The following CCNJL variants were observed in gnomAD, a reference collection of about 807,000 sequenced individuals.
CCNJL encodes the protein cyclin J like, also known as cyclin-J-like protein.
CCNJL carries 33 observed loss-of-function variants against 33.4 expected under a neutral mutation model. That is an observed-to-expected ratio of 0.99 (90% CI 0.75 to 1.32). The LOEUF is 1.32. CCNJL is among the 40% of genes most tolerant of loss of function. The pLI is 0.00. For missense variants in CCNJL, 512 were observed against 499.7 expected, an observed-to-expected ratio of 1.02 and a Z score of -0.23; for synonymous variants, 227 against 220.9, an observed-to-expected ratio of 1.03 and a Z score of -0.24.
At chr5:160,277,911 T>C (rs1762072159) in intron 3 of CCNJL, among the ~76,000 whole-genome samples, 1 of 151,842 alleles carries the variant, frequency 6.6e-6, no homozygotes, top group South Asian at 2.1e-4. Context: ...CCTGGCTAAT[T>C]GCTTTTTTTT....
Position 160,303,625 on chromosome 5 carries a change from TTG to T in CCNJL, c.66+8231_66+8232del, listed in dbSNP as rs1318459136. ...CAGAGATTGTTTCCAAGTGGTAGGA[TTG>T]TGAGGGGAATTTTACTTTCTTCTGT... is the stretch of plus-strand genomic sequence containing the variant. On this transcript the variant is annotated intron_variant, in intron 2 of 5. Transcript: ENST00000257536. Among the ~76,000 whole-genome samples, 6 of 151,876 alleles carry T rather than the reference TTG, an allele frequency of 4.0e-5. No individual in the cohort carries two copies. In the East Asian group the frequency reaches 1.2e-3, roughly 29 times the overall value.
intron 1 of CCNJL, among the ~76,000 whole-genome samples, chr5:160,330,722 GGT>G (rs1763596495): frequency 6.6e-6 from 1 of 151,672 alleles, no homozygotes; most frequent in Non-Finnish European, 1.5e-5. Context: ...GGAGTGCAGT[GGT>G]GCGGTCTCGG....
intron 4 of CCNJL, among the ~76,000 whole-genome samples, chr5:160,256,832 C>A (rs565354590): frequency 3.0e-4 from 45 of 151,662 alleles, no homozygotes; most frequent in African/African-American, 1.1e-3. Context: ...GCAGGAGAAT[C>A]GCTTGAACCC....
chr5:160,255,437 G>C, intron 5 of CCNJL, 112 bp downstream of exon 5: 1 of 969,784 alleles, frequency 1.0e-6, no homozygotes, highest in Non-Finnish European at 1.6e-6. Context: ...CCTGTAGCTG[G>C]AAGAACCACC....
intron 4 of CCNJL, among the ~76,000 whole-genome samples, chr5:160,257,202 G>A (rs533006592): frequency 1.3e-5 from 2 of 151,992 alleles, no homozygotes; most frequent in East Asian, 3.9e-4. Flanking sequence ...TTGGCCGGGT[G>A]CAGTGGTTCA....
intron 1 of CCNJL, among the ~76,000 whole-genome samples, chr5:160,321,656 T>A (rs527817939): frequency 1.3e-5 from 2 of 152,258 alleles, no homozygotes; most frequent in East Asian, 3.9e-4. Context: ...ATTATTAAGA[T>A]CCTGGCCGGG....
chr5:160,305,159 G>A (rs1763052526), intron 2 of CCNJL, among the ~76,000 whole-genome samples: 2 of 151,960 alleles, frequency 1.3e-5, no homozygotes, highest in Middle Eastern at 3.2e-3. Flanking sequence ...CCTTGAAGTG[G>A]GGAAATTTGA....
chr5:160,265,403 C>T (rs529109085), intron 3 of CCNJL, among the ~76,000 whole-genome samples: 1 of 151,980 alleles, frequency 6.6e-6, no homozygotes, highest in African/African-American at 2.4e-5. Context: ...TTTGGGAGAC[C>T]GAAGCAGGCG....
intron 2 of CCNJL, among the ~76,000 whole-genome samples, chr5:160,283,006 T>C (rs564373232): frequency 3.1e-4 from 18 of 57,506 alleles, no homozygotes; most frequent in East Asian, 9.6e-4. Flanking sequence ...TATATATATA[T>C]ATACATATAT....
chr5:160,321,112 C>CT (rs1233909014), intron 1 of CCNJL, among the ~76,000 whole-genome samples: 8 of 147,018 alleles, frequency 5.4e-5, no homozygotes, highest in East Asian at 4.0e-4. Context: ...CTCTCTCTCT[C>CT]TTTTTTTTCC....
At chr5:160,285,552 A>T (rs966261775) in intron 2 of CCNJL, among the ~76,000 whole-genome samples, 20 of 152,374 alleles carry the variant, frequency 1.3e-4, no homozygotes, top group Admixed American at 9.1e-4. Flanking sequence ...GACCAACTCT[A>T]CAGAGTAGCA....
At chr5:160,307,071 C>T (rs1361897295) in intron 2 of CCNJL, among the ~76,000 whole-genome samples, 3 of 152,210 alleles carry the variant, frequency 2.0e-5, no homozygotes, top group East Asian at 1.9e-4. Context: ...ATGCCGAAGA[C>T]GAGATGAAGG....
intron 1 of CCNJL, among the ~76,000 whole-genome samples, chr5:160,332,894 C>T (rs1763627612): frequency 6.6e-6 from 1 of 152,094 alleles, no homozygotes. Context: ...TCCATGATGG[C>T]AGAAATATCT....
intron 2 of CCNJL, among the ~76,000 whole-genome samples, chr5:160,299,712 T>C (rs1862435): frequency 0.16 from 24,437 of 151,970 alleles, 2,149 homozygotes; most frequent in Non-Finnish European, 0.19. Flanking sequence ...GGGTGGTGGG[T>C]ATGTGAGGAC....
chr5:160,311,431 G>A (rs926047933), intron 2 of CCNJL, among the ~76,000 whole-genome samples: 3 of 152,038 alleles, frequency 2.0e-5, no homozygotes, highest in Non-Finnish European at 4.4e-5. Context: ...AATAAACTGC[G>A]ACATCATTAT....
At chr5:160,289,096 C>G (rs1762502596) in intron 2 of CCNJL, among the ~76,000 whole-genome samples, 1 of 152,186 alleles carries the variant, frequency 6.6e-6, no homozygotes, top group African/African-American at 2.4e-5. Flanking sequence ...TGGGCTGTTT[C>G]TCTTCCTTCA....
At chr5:160,299,311 G>C (rs1050524491) in intron 2 of CCNJL, among the ~76,000 whole-genome samples, 1 of 152,050 alleles carries the variant, frequency 6.6e-6, no homozygotes, top group South Asian at 2.1e-4. Flanking sequence ...CAACAGGCCC[G>C]GCTAATTTTT....
rs1760777121 is a variant in CCNJL, at chr5:160,250,586, G to A, written c.*2792C>T. 1 of 152,256 alleles carries A rather than the reference G, an allele frequency of 6.6e-6. No homozygotes were observed. Among genetic ancestry groups the A allele is most frequent in the Non-Finnish European group, 1.5e-5 (1 of 68,040 alleles). The allele number at this position is 152,256 out of a possible 1,614,324, so 9.4% of individuals were successfully genotyped here. A position where few individuals can be genotyped will look rare whatever the true frequency, so the allele number is the denominator to read the frequency against. On this transcript the variant is annotated 3_prime_UTR_variant, in exon 6 of 6. Coordinates refer to ENST00000257536, the MANE Select transcript of CCNJL (RefSeq NM_001308173.3). Reference sequence around the variant, plus strand: ...AGCTGGGTAGGTAGAGGGCAAGACAGAAGTCTTGAGTGAGACTCCCTTCAA... The same window carrying A: ...AGCTGGGTAGGTAGAGGGCAAGACAAAAGTCTTGAGTGAGACTCCCTTCAA...
At position 160,259,635 on chromosome 5, in the gene CCNJL, G is replaced by A. The variant is rs868324412; in HGVS notation, c.417C>T (p.Ser139=). The change falls in exon 4 of 6, where the codon AGC becomes AGT. Residue 139 remains serine (S), a synonymous_variant. Transcript: ENST00000257536. Reference sequence around the variant, plus strand: ...CAGGCGTGGGCAGGCAGAGGTTCCAGCTGAAGGCCTCCAGGAGCAGCAGCT... The same window carrying A: ...CAGGCGTGGGCAGGCAGAGGTTCCAACTGAAGGCCTCCAGGAGCAGCAGCT... ...STELLLLEAF[S]WNLCLPTPAH... is the part of the protein sequence containing the mutation. 5 of 1,614,202 alleles carry A rather than the reference G, an allele frequency of 3.1e-6. No homozygotes were observed. The Middle Eastern group carries it at 8.2e-4, about 266-fold the overall frequency.
Sources: gnomAD v4.1 joint callset for allele counts (sites outside exome capture counted in the v4.1 genomes callset) on GRCh38, gnomAD v4.1.1 for gene constraint, MANE v1.5 for transcripts, NCBI Gene and HGNC (gene_info 2026-07-23, HGNC 2026-07-21) for gene names.